Variants in LRCH3 observed in about 807,000 individuals in gnomAD.
The protein encoded by LRCH3 is DISP complex protein LRCH3.
In LRCH3, 68 loss-of-function variants were observed where a neutral mutation model predicts 104.5. The ratio of observed to expected loss-of-function variants is 0.65; its 90% confidence interval spans 0.54 to 0.80. The LOEUF is 0.80. Among genes scored for constraint, LRCH3 ranks in the 30% least tolerant of loss-of-function variants. The pLI, the probability that LRCH3 is intolerant of heterozygous loss-of-function variation, is 0.00. For synonymous variants in LRCH3, 344 were observed against 361.3 expected (o/e 0.95, Z 0.54); for missense variants, 951 against 953.9 (o/e 1.00, Z 0.04).
At chr3:197,882,477 G>A (rs1560067665) in intron 20 of LRCH3, 9 of 945,092 alleles carry the variant, frequency 9.5e-6, no homozygotes, top group Non-Finnish European at 1.1e-5. Flanking sequence ...ATTGTAACTG[G>A]TTTTATAAAA....
intron 20 of LRCH3, chr3:197,881,331 G>T: frequency 4.0e-6 from 4 of 988,308 alleles, no homozygotes; most frequent in Non-Finnish European, 4.8e-6. Context: ...ATTTTAGTTT[G>T]GTCAGAATGT....
intron 12 of LRCH3, chr3:197,850,971 C>G (rs574231108): frequency 2.6e-6 from 2 of 783,292 alleles, no homozygotes; most frequent in South Asian, 2.7e-5. Flanking sequence ...CAGATTACCT[C>G]AGGCTGCTTA....
rs186352029 is a variant in LRCH3, at chr3:197,828,521, A to G, written c.778-1043A>G. Among the ~76,000 whole-genome samples the G allele has an allele frequency of 3.3e-3, 502 of 151,000 alleles. 2 individuals are homozygous for G. Among genetic ancestry groups the G allele is most frequent in the Admixed American group, 3.6e-3 (55 of 15,128 alleles). ...CCACCATGCCTGGCTAATTTTTTGT[A>G]TTTTTAGTAGAGACGGGGTTTCACC... On this transcript the variant is annotated intron_variant, in intron 5 of 20. Transcript: ENST00000425562.
intron 10 of LRCH3, among the ~76,000 whole-genome samples, chr3:197,843,229 C>T (rs1464280431): frequency 1.3e-5 from 2 of 151,878 alleles, no homozygotes; most frequent in Non-Finnish European, 2.9e-5. Flanking sequence ...TTAGATAAAA[C>T]CTGGAAGTTT....
At chr3:197,851,603 C>G (rs1020836505) in intron 12 of LRCH3, among the ~76,000 whole-genome samples, 2 of 152,176 alleles carry the variant, frequency 1.3e-5, no homozygotes, top group African/African-American at 2.4e-5. Context: ...CAGAAAGCTA[C>G]TGAGCCATTT....
rs2109068956 is a variant in LRCH3 at position 197,791,263 on chromosome 3, T to C, written c.-16T>C. ...CATGCGCTGAGCTGGCGGGCCCGAG[T>C]GTTGTCGGCTGGGAAATGGCGGCCG... On this transcript the variant is annotated 5_prime_UTR_variant, in exon 1 of 21. Coordinates refer to ENST00000425562, the MANE Select transcript of LRCH3 (RefSeq NM_001365715.1). The C allele has an allele frequency of 3.7e-6, 6 of 1,606,764 alleles. No homozygotes were observed. The East Asian group carries it at 9.0e-5, about 24-fold the overall frequency.
chr3:197,857,516 C>G (rs184457837), intron 14 of LRCH3, among the ~76,000 whole-genome samples: 27 of 152,006 alleles, frequency 1.8e-4, no homozygotes, highest in Admixed American at 1.8e-3. Context: ...AGATTCTCTT[C>G]AGGCTACCCC....
chr3:197,824,338 C>CT (rs1205725492), intron 4 of LRCH3, among the ~76,000 whole-genome samples: 7 of 143,316 alleles, frequency 4.9e-5, no homozygotes, highest in Non-Finnish European at 1.0e-4. Flanking sequence ...GCTGGGATTA[C>CT]AGGCGTGAGC....
At chr3:197,845,633 G>A (rs533462077) in intron 10 of LRCH3, among the ~76,000 whole-genome samples, 1 of 152,192 alleles carries the variant, frequency 6.6e-6, no homozygotes, top group East Asian at 1.9e-4. Context: ...GGCTGGGCAT[G>A]GTGGCTCACA....
chr3:197,865,560 C>A, intron 16 of LRCH3, 89 bp downstream of exon 16: 1 of 856,114 alleles, frequency 1.2e-6, no homozygotes, highest in Non-Finnish European at 1.7e-6. Flanking sequence ...GAGACGAGGC[C>A]TTTCTGTGTT....
At position 197,854,115 on chromosome 3, in the gene LRCH3, C is replaced by G. The variant is rs1307461962; in HGVS notation, c.1591-277C>G. 1.3e-5 allele frequency among the ~76,000 whole-genome samples: 2 copies of G among 152,190 alleles called. No homozygotes were observed. The highest frequency in any genetic ancestry group is 4.8e-5 in the African/African-American group (2 of 41,452). On this transcript the variant is annotated intron_variant, in intron 13 of 20. Coordinates refer to ENST00000425562, the MANE Select transcript of LRCH3 (RefSeq NM_001365715.1). The surrounding 1 kb of genome is among the most constrained non-coding windows in gnomAD (Gnocchi z 4.5). ...GGTTCTTTATGTTATTGTTACATCTCTCTCCAGCTTTCTGTTCCCTCCTTG... is the reference window on the plus strand; with the variant it reads ...GGTTCTTTATGTTATTGTTACATCTGTCTCCAGCTTTCTGTTCCCTCCTTG...
chr3:197,800,025 C>CAA (rs771569061), intron 1 of LRCH3, among the ~76,000 whole-genome samples: 19 of 134,264 alleles, frequency 1.4e-4, no homozygotes, highest in African/African-American at 2.2e-4. Context: ...ACTAAAACTA[C>CAA]AAAAAAAAAA....
At position 197,856,126 on chromosome 3, in the gene LRCH3, C is replaced by A. The variant is rs1180861366; in HGVS notation, c.1644+1681C>A. Among the ~76,000 whole-genome samples the A allele has an allele frequency of 2.0e-5, 3 of 152,114 alleles. No homozygotes were observed. Among genetic ancestry groups the A allele is most frequent in the Non-Finnish European group, 4.4e-5 (3 of 68,024 alleles). ...ATGCTGTTTCTTTTACATAGAATGC[C>A]TTTCCCTCCCTGCATGTACCCCTTG... On this transcript the variant is annotated intron_variant, in intron 14 of 20. Coordinates refer to ENST00000425562, the MANE Select transcript of LRCH3 (RefSeq NM_001365715.1). This position sits in a 1 kb window ranked among gnomAD's most constrained non-coding sequence, Gnocchi z 4.2.
chr3:197,854,987 G>C lies in LRCH3; in HGVS notation c.1644+542G>C, dbSNP rs916549273. ...TGTTGAACACTGGCTTACTTTTATT[G>C]CCTGTTTCATCAGCTCAAAATGAGT... On this transcript the variant is annotated intron_variant, in intron 14 of 20. Coordinates refer to ENST00000425562, the MANE Select transcript of LRCH3 (RefSeq NM_001365715.1). This position sits in a 1 kb window ranked among gnomAD's most constrained non-coding sequence, Gnocchi z 4.5. Among the ~76,000 whole-genome samples the C allele has an allele frequency of 6.6e-6, 1 of 152,074 alleles. No homozygotes were observed. The highest frequency in any genetic ancestry group is 2.4e-5 in the African/African-American group (1 of 41,412).
intron 1 of LRCH3, among the ~76,000 whole-genome samples, chr3:197,814,672 ACCT>A (rs1733606458): frequency 6.6e-6 from 1 of 152,162 alleles, no homozygotes; most frequent in South Asian, 2.1e-4. Flanking sequence ...CTTTTCAAAA[ACCT>A]CAGCATATTT....
In LRCH3 at chr3:197,866,168, C is replaced by A. The variant is rs375120361; in HGVS notation, c.1822C>A (p.Arg608Ser). ...TGCTATCCAGAGAAATCAGCCTCAG[C>A]GCCCTGAAAGCTTCCTTTTCCGAGC... ...PAAIQRNQPQ[R>S]PESFLFRAGV... Residue 608 changes from arginine (R) to serine (S), a missense_variant, in exon 17 of 21, where the codon CGC becomes AGC. By Grantham distance (110) the Arg-to-Ser change is moderately radical. Coordinates refer to ENST00000425562, the MANE Select transcript of LRCH3 (RefSeq NM_001365715.1). The A allele has an allele frequency of 6.2e-7, 1 of 1,614,078 alleles. No individual in the cohort carries two copies. The highest frequency in any genetic ancestry group is 8.5e-7 in the Non-Finnish European group (1 of 1,179,988).
At chr3:197,835,598 T>G (rs1397098627) in intron 8 of LRCH3, 76 bp from the exon 9 acceptor site, 2 of 1,356,422 alleles carry the variant, frequency 1.5e-6, no homozygotes, top group East Asian at 2.8e-5. Flanking sequence ...TAAGTAAATG[T>G]CTTTTATTGG....
chr3:197,804,754 GGTTT>G (rs1732283918), intron 1 of LRCH3, among the ~76,000 whole-genome samples: 1 of 152,124 alleles, frequency 6.6e-6, no homozygotes, highest in Non-Finnish European at 1.5e-5. Flanking sequence ...GACCATCACA[GGTTT>G]GTTAATTTTG....
At position 197,886,989 on chromosome 3, in the gene LRCH3, A is replaced by C. The variant is rs570691750; in HGVS notation, c.*3323A>C. The C allele has an allele frequency of 6.6e-6, 1 of 152,318 alleles. No individual in the cohort carries two copies. Among genetic ancestry groups the C allele is most frequent in the African/African-American group, 2.4e-5 (1 of 41,576 alleles). The allele number at this position is 152,318 out of a possible 1,614,324, so 9.4% of individuals were successfully genotyped here. ...GAAACCTTATTAATGTATTTTTATC[A>C]AACTAAATCAGATTTGTATTTGAAT... On this transcript the variant is annotated 3_prime_UTR_variant, in exon 21 of 21. Transcript: ENST00000425562.
Sources: gnomAD v4.1 joint callset for allele counts (sites outside exome capture counted in the v4.1 genomes callset) on GRCh38, gnomAD v4.1.1 for gene constraint, Gnocchi (gnomAD v3.1) non-coding constraint, MANE v1.5 for transcripts, NCBI Gene and HGNC (gene_info 2026-07-23, HGNC 2026-07-21) for gene names.